Variants in SLC24A2 observed in about 807,000 individuals in gnomAD.
SLC24A2 encodes sodium/potassium/calcium exchanger 2.
In SLC24A2, 36 loss-of-function variants were observed where a neutral mutation model predicts 62.0. That is an observed-to-expected ratio of 0.58 (90% CI 0.44 to 0.77). The LOEUF (loss-of-function observed/expected upper bound fraction) is 0.77. Ranked by LOEUF, SLC24A2 falls within the 30% of genes least tolerant of loss-of-function variation. SLC24A2 has a pLI of 0.00. For missense variants in SLC24A2, 846 were observed against 817.9 expected, an observed-to-expected ratio of 1.03 and a Z score of -0.42; for synonymous variants, 358 against 294.0, an observed-to-expected ratio of 1.22 and a Z score of -2.23.
intron 2 of SLC24A2, among the ~76,000 whole-genome samples, chr9:19,657,667 C>T (rs1186720032): frequency 6.6e-6 from 1 of 152,168 alleles, no homozygotes; most frequent in African/African-American, 2.4e-5. Flanking sequence ...TCAGCTCAAA[C>T]ACTACTCTTT....
intron 5 of SLC24A2, among the ~76,000 whole-genome samples, chr9:19,592,908 G>T (rs1836599705): frequency 6.6e-6 from 1 of 152,116 alleles, no homozygotes; most frequent in South Asian, 2.1e-4. Context: ...GGTAGCTGAA[G>T]TTACCAAAAG....
At chr9:20,306,667 C>T in the SLC24A2 span, among the ~76,000 whole-genome samples, 1 of 152,076 alleles carries the variant, frequency 6.6e-6, no homozygotes, top group Non-Finnish European at 1.5e-5. Context: ...CAGCTACACC[C>T]CTTTACAGTC....
chr9:19,927,149 GCCTGGA>G, the SLC24A2 span: 55 of 152,392 alleles, frequency 3.6e-4, no homozygotes, highest in African/African-American at 1.3e-3. Context: ...AGTCCTGGAA[GCCTGGA>G]CCTTAGCATG....
intron 5 of SLC24A2, among the ~76,000 whole-genome samples, chr9:19,590,975 A>T (rs1438288076): frequency 6.6e-6 from 1 of 151,928 alleles, no homozygotes. Flanking sequence ...CGTGTTCTTC[A>T]CTCGGCTCCA....
chr9:19,990,439 G>A, the SLC24A2 span, among the ~76,000 whole-genome samples: 3 of 151,636 alleles, frequency 2.0e-5, no homozygotes, highest in African/African-American at 4.8e-5. Context: ...GTGAAACCCC[G>A]TCTCTACTAA....
the SLC24A2 span, among the ~76,000 whole-genome samples, chr9:20,297,117 G>A: frequency 6.6e-6 from 1 of 152,084 alleles, no homozygotes; most frequent in African/African-American, 2.4e-5. Context: ...TTGGTATTAT[G>A]ACCTAAACCC....
intron 9 of SLC24A2, among the ~76,000 whole-genome samples, chr9:19,526,485 A>G (rs1403878935): frequency 1.3e-5 from 2 of 152,216 alleles, no homozygotes; most frequent in African/African-American, 4.8e-5. Context: ...TAAGGATTCT[A>G]ATTTCTATAC....
chr9:19,844,742 C>T, the SLC24A2 span, among the ~76,000 whole-genome samples: 1 of 152,130 alleles, frequency 6.6e-6, no homozygotes, highest in East Asian at 1.9e-4. Context: ...GTAAGGCTAA[C>T]CAGCTATTCC....
At chr9:19,850,960 T>TACATAC in the SLC24A2 span, among the ~76,000 whole-genome samples, 1 of 27,336 alleles carries the variant, frequency 3.7e-5, no homozygotes, top group Admixed American at 4.9e-4. Flanking sequence ...TATATATATA[T>TACATAC]ATATATGTAT....
the SLC24A2 span, among the ~76,000 whole-genome samples, chr9:20,199,941 G>C: frequency 1.5e-3 from 220 of 146,532 alleles, 1 homozygote; most frequent in African/African-American, 5.1e-3. Flanking sequence ...ATGTTGGCCA[G>C]GCTGGTCTTG....
the SLC24A2 span, among the ~76,000 whole-genome samples, chr9:20,237,207 G>C: frequency 6.6e-6 from 1 of 152,146 alleles, no homozygotes; most frequent in African/African-American, 2.4e-5. Flanking sequence ...TGTTCTGCTT[G>C]AGCATAAAGC....
At chr9:19,634,210 C>T (rs974800930) in intron 2 of SLC24A2, among the ~76,000 whole-genome samples, 1 of 151,422 alleles carries the variant, frequency 6.6e-6, no homozygotes, top group African/African-American at 2.4e-5. Flanking sequence ...ACTAACTTGC[C>T]CACAGCAATA....
At chr9:20,006,550 G>T in the SLC24A2 span, among the ~76,000 whole-genome samples, 4 of 152,024 alleles carry the variant, frequency 2.6e-5, no homozygotes, top group Non-Finnish European at 1.5e-5. Context: ...ATTAAGCATT[G>T]CATGCCTGTA....
chr9:20,138,601 C>T, the SLC24A2 span, among the ~76,000 whole-genome samples: 1,128 of 152,242 alleles, frequency 7.4e-3, 14 homozygotes, highest in East Asian at 0.018. Flanking sequence ...CAGCTTTGTA[C>T]GGAACTTAAA....
intron 2 of SLC24A2, among the ~76,000 whole-genome samples, chr9:19,726,098 G>C (rs1396593267): frequency 1.3e-5 from 2 of 152,186 alleles, no homozygotes; most frequent in East Asian, 1.9e-4. Flanking sequence ...GAATGAAAGC[G>C]GAGTCAAGGC....
At chr9:19,668,331 C>G (rs1283696858) in intron 2 of SLC24A2, among the ~76,000 whole-genome samples, 3 of 152,188 alleles carry the variant, frequency 2.0e-5, no homozygotes, top group African/African-American at 7.2e-5. Flanking sequence ...GCAACAGAGT[C>G]AGGATTCAAC....
chr9:20,181,289 T>C, the SLC24A2 span, among the ~76,000 whole-genome samples: 1 of 152,006 alleles, frequency 6.6e-6, no homozygotes, highest in Admixed American at 6.6e-5. Flanking sequence ...CATCAAATCA[T>C]ATAGGACTAA....
At chr9:19,956,297 C>G in the SLC24A2 span, among the ~76,000 whole-genome samples, 1 of 152,212 alleles carries the variant, frequency 6.6e-6, no homozygotes, top group Non-Finnish European at 1.5e-5. Flanking sequence ...TTAATGCTCA[C>G]AATGATAGCG....
At chr9:19,525,765 G>GTTTTTTTTTTTTTTTTTTTTTT (rs71496823) in intron 9 of SLC24A2, among the ~76,000 whole-genome samples, 1 of 99,132 alleles carries the variant, frequency 1.0e-5, no homozygotes, top group Non-Finnish European at 2.0e-5. Flanking sequence ...ACATGCTACT[G>GTTTTTTTTTTTTTTTTTTTTTT]TTTTTTTTTT....
Sources: gnomAD v4.1 joint callset for allele counts (sites outside exome capture counted in the v4.1 genomes callset) on GRCh38, gnomAD v4.1.1 for gene constraint, MANE v1.5 for transcripts, NCBI Gene and HGNC (gene_info 2026-07-23, HGNC 2026-07-21) for gene names.